ME3: variants seen among roughly 807,000 people sequenced by gnomAD.
ME3 encodes the protein NADP-dependent malic enzyme, mitochondrial.
Under a neutral mutation model 68.9 loss-of-function variants are expected in ME3, and 48 were observed. The ratio of observed to expected loss-of-function variants is 0.70; its 90% CI spans 0.55 to 0.89. The LOEUF is 0.89. ME3 is among the 40% of genes least tolerant of loss of function. The probability of loss-of-function intolerance (pLI) is 0.00; values close to 1 mark genes in which losing one functional copy is unlikely to be tolerated. For missense variants in ME3, 675 were observed against 797.4 expected (o/e 0.85, Z 1.85); for synonymous variants, 320 against 318.8 (o/e 1.00, Z -0.04).
At chr11:86,507,307 TA>T (rs1953154871) in intron 5 of ME3, among the ~76,000 whole-genome samples, 1 of 152,206 alleles carries the variant, frequency 6.6e-6, no homozygotes, top group Non-Finnish European at 1.5e-5. Flanking sequence ...TCAGTCTTTC[TA>T]ACTAGACTTT....
At chr11:86,609,521 C>T (rs542860368) in intron 2 of ME3, among the ~76,000 whole-genome samples, 24 of 152,186 alleles carry the variant, frequency 1.6e-4, no homozygotes, top group African/African-American at 4.6e-4. Flanking sequence ...TGAATTAGGC[C>T]TGTCTTCAAG....
At chr11:86,534,576 G>A (rs1190315506) in intron 4 of ME3, among the ~76,000 whole-genome samples, 1 of 152,134 alleles carries the variant, frequency 6.6e-6, no homozygotes, top group African/African-American at 2.4e-5. Context: ...TCGGGAGACT[G>A]AGGCAGGAGA....
chr11:86,595,135 A>G (rs554613143), intron 2 of ME3, among the ~76,000 whole-genome samples: 2 of 145,718 alleles, frequency 1.4e-5, no homozygotes, highest in Non-Finnish European at 3.0e-5. Flanking sequence ...TAATAATAAG[A>G]AAAAGGGGAT....
At chr11:86,530,580 G>C (rs975471850) in intron 4 of ME3, among the ~76,000 whole-genome samples, 13 of 152,078 alleles carry the variant, frequency 8.5e-5, no homozygotes, top group Admixed American at 2.6e-4. Flanking sequence ...GAGGCATCAC[G>C]CTACCTGACT....
At chr11:86,465,241 G>C in intron 7 of ME3, 41 bp from the exon 8 acceptor site, 1 of 1,467,798 alleles carries the variant, frequency 6.8e-7, no homozygotes, top group Non-Finnish European at 9.5e-7. Context: ...TTGCCTCTCT[G>C]AGGCAGATCC....
At chr11:86,665,724 T>A (rs1946550482) in intron 2 of ME3, among the ~76,000 whole-genome samples, 1 of 152,140 alleles carries the variant, frequency 6.6e-6, no homozygotes, top group Non-Finnish European at 1.5e-5. Context: ...AGCAGAGAGA[T>A]GCTGGAGGCT....
chr11:86,465,104 A>G (rs1214005098), exon 8 of ME3: 8 of 1,612,524 alleles, frequency 5.0e-6, no homozygotes, highest in East Asian at 2.2e-5. Flanking sequence ...GGATGTCATC[A>G]TTGAACATGC....
downstream of ME3, among the ~76,000 whole-genome samples, chr11:86,439,392 A>G (rs1409428735): frequency 6.6e-6 from 1 of 152,208 alleles, no homozygotes; most frequent in Admixed American, 6.5e-5. Context: ...ACTGTTTTCC[A>G]ATATTTTGGA....
chr11:86,542,510 C>T (rs1457366770), intron 4 of ME3, among the ~76,000 whole-genome samples: 1 of 152,088 alleles, frequency 6.6e-6, no homozygotes, highest in Non-Finnish European at 1.5e-5. Context: ...ATGAACAATA[C>T]ACAAGTATCA....
intron 8 of ME3, among the ~76,000 whole-genome samples, chr11:86,450,866 A>G (rs1047581998): frequency 6.6e-6 from 1 of 152,236 alleles, no homozygotes; most frequent in African/African-American, 2.4e-5. Flanking sequence ...CTGGTCGCAC[A>G]CCATCGTCAA....
chr11:86,669,595 A>T (rs575144432), intron 2 of ME3, among the ~76,000 whole-genome samples: 3 of 152,300 alleles, frequency 2.0e-5, no homozygotes, highest in African/African-American at 7.2e-5. Context: ...TTATCACGAG[A>T]ACAGCATGCA....
chr11:86,590,594 G>A (rs1437154114), intron 2 of ME3, among the ~76,000 whole-genome samples: 1 of 152,174 alleles, frequency 6.6e-6, no homozygotes, highest in Non-Finnish European at 1.5e-5. Context: ...CAAGGCAGAG[G>A]AGATTTGGGT....
At chr11:86,446,979 A>G (rs1187770198) in intron 12 of ME3, 86 bp downstream of exon 12, 6 of 1,490,210 alleles carry the variant, frequency 4.0e-6, no homozygotes, top group African/African-American at 1.4e-5. Context: ...TCAGCGATGT[A>G]GGAGTATTTT....
At chr11:86,639,003 C>G (rs1251209254) in intron 2 of ME3, among the ~76,000 whole-genome samples, 3 of 152,172 alleles carry the variant, frequency 2.0e-5, no homozygotes, top group Non-Finnish European at 1.5e-5. Context: ...TTGGAAGGAG[C>G]CTTGGGTTAT....
At chr11:86,561,315 C>A (rs1957223138) in intron 2 of ME3, among the ~76,000 whole-genome samples, 1 of 152,132 alleles carries the variant, frequency 6.6e-6, no homozygotes, top group African/African-American at 2.4e-5. Context: ...TAAGCCATTT[C>A]TCCAAGGATC....
At chr11:86,493,246 G>A (rs975451236) in intron 6 of ME3, among the ~76,000 whole-genome samples, 1 of 152,170 alleles carries the variant, frequency 6.6e-6, no homozygotes, top group African/African-American at 2.4e-5. Context: ...CTGCTCCCAT[G>A]TTTGTTTCCC....
At chr11:86,461,170 G>C (rs1950207159) in intron 8 of ME3, among the ~76,000 whole-genome samples, 1 of 152,244 alleles carries the variant, frequency 6.6e-6, no homozygotes, top group Admixed American at 6.5e-5. Flanking sequence ...GCCATGGAGA[G>C]AGTGGAGAAT....
intron 6 of ME3, among the ~76,000 whole-genome samples, chr11:86,492,973 C>T (rs187609818): frequency 6.4e-4 from 98 of 152,314 alleles, no homozygotes; most frequent in Admixed American, 5.8e-3. Context: ...TTTCTCCTCA[C>T]AGTGGCAGTC....
At chr11:86,607,712 AAT>A (rs10539253) in intron 2 of ME3, among the ~76,000 whole-genome samples, 72,524 of 147,490 alleles carry the variant, frequency 0.49, 18,040 homozygotes, top group Middle Eastern at 0.54. Flanking sequence ...TTTTAAAAGA[AAT>A]ATATATATAT....
Sources: gnomAD v4.1 joint callset for allele counts (sites outside exome capture counted in the v4.1 genomes callset) on GRCh38, gnomAD v4.1.1 for gene constraint, MANE v1.5 for transcripts, NCBI Gene and HGNC (gene_info 2026-07-23, HGNC 2026-07-21) for gene names.